The following SGF29 variants were observed in gnomAD, a reference collection of about 807,000 sequenced individuals.
SGF29 encodes the protein SAGA-associated factor 29.
SGF29 carries 15 observed loss-of-function variants against 38.1 expected under a neutral mutation model. The observed-to-expected ratio is 0.39, with a 90% confidence interval of 0.26 to 0.61. The LOEUF (loss-of-function observed/expected upper bound fraction) is 0.61, where lower values mean the gene tolerates loss of function less well. Among genes scored for constraint, SGF29 ranks in the 20% least tolerant of loss-of-function variants. The pLI is 0.49. For missense variants in SGF29, 184 were observed against 394.6 expected (o/e 0.47, Z 4.52); for synonymous variants, 151 against 160.8 (o/e 0.94, Z 0.46).
rs770234688 is a variant in SGF29 at position 28,590,816 on chromosome 16, T to G, written c.646T>G (p.Trp216Gly). 2.5e-6 allele frequency: 4 copies of G among 1,613,946 alleles called. No individual in the cohort carries two copies. The highest frequency in any genetic ancestry group is 3.4e-6 in the Non-Finnish European group (4 of 1,179,954). Reference sequence around the variant, plus strand: ...GCGCCGTGTCATCCCGCTGCCCCAGTGGAAGGCCAACCCGGAGACGGACCC... The same window carrying G: ...GCGCCGTGTCATCCCGCTGCCCCAGGGGAAGGCCAACCCGGAGACGGACCC... ...SRRRVIPLPQ[W>G]KANPETDPEA... is the part of the protein sequence containing the mutation. The change falls in exon 9 of 10, where the codon TGG (tryptophan) becomes GGG (glycine). Residue 216 changes from tryptophan (W) to glycine (G), a missense_variant. Around this residue, in one of 2 missense-constraint regions of SGF29, gnomAD observed 107 missense variants for 276.9 expected, o/e 0.39. Transcript: ENST00000317058. The surrounding 1 kb of genome is among the most constrained non-coding windows in gnomAD (Gnocchi z 8.2).
At chr16:28,565,575 G>A (rs187859401) in intron 1 of SGF29, among the ~76,000 whole-genome samples, 8 of 152,196 alleles carry the variant, frequency 5.3e-5, no homozygotes, top group Admixed American at 5.2e-4. Context: ...TTGGCTCACT[G>A]TAACCTCCTC....
intron 1 of SGF29, among the ~76,000 whole-genome samples, chr16:28,564,566 C>CGTATATAT (rs2046813083): frequency 9.4e-6 from 1 of 106,642 alleles, no homozygotes. Flanking sequence ...TATATATATA[C>CGTATATAT]GTATATATAT....
At chr16:28,566,913 A>T (rs972684619) in intron 1 of SGF29, among the ~76,000 whole-genome samples, 1 of 152,078 alleles carries the variant, frequency 6.6e-6, no homozygotes, top group Non-Finnish European at 1.5e-5. Flanking sequence ...CAGGTGATCT[A>T]TCTGCCTTGG....
At chr16:28,571,778 A>AT (rs1295992112) in intron 1 of SGF29, among the ~76,000 whole-genome samples, 2 of 152,020 alleles carry the variant, frequency 1.3e-5, no homozygotes, top group African/African-American at 4.8e-5. Flanking sequence ...AACTGTGGAG[A>AT]TGGGGGTCAG....
intron 1 of SGF29, among the ~76,000 whole-genome samples, chr16:28,557,013 T>C (rs992961036): frequency 4.6e-5 from 7 of 152,200 alleles, no homozygotes; most frequent in Non-Finnish European, 1.0e-4. Context: ...ATTAGGTTCC[T>C]CTTTCCCTTT....
chr16:28,580,458 C>T (rs888215482), intron 1 of SGF29, among the ~76,000 whole-genome samples: 6 of 152,162 alleles, frequency 3.9e-5, no homozygotes, highest in African/African-American at 7.2e-5. Flanking sequence ...GCATCTCTCC[C>T]GGCTGGATGG....
intron 1 of SGF29, among the ~76,000 whole-genome samples, chr16:28,576,307 A>T (rs1376329658): frequency 6.6e-6 from 1 of 152,112 alleles, no homozygotes; most frequent in Non-Finnish European, 1.5e-5. Context: ...TACTGGGCAT[A>T]ATACCTGGGT....
chr16:28,576,880 C>A (rs1025248336), intron 1 of SGF29, among the ~76,000 whole-genome samples: 2 of 152,100 alleles, frequency 1.3e-5, no homozygotes, highest in Admixed American at 1.3e-4. Context: ...ACAGGCCTGG[C>A]ATGGTGGCTC....
At chr16:28,561,605 A>G (rs945935602) in intron 1 of SGF29, among the ~76,000 whole-genome samples, 9 of 152,188 alleles carry the variant, frequency 5.9e-5, no homozygotes, top group African/African-American at 2.2e-4. Flanking sequence ...CTTCTAAGTC[A>G]GTGGGAACAC....
At chr16:28,576,939 G>GAGGTCAGGCGTATCACCCA (rs2046897901) in intron 1 of SGF29, among the ~76,000 whole-genome samples, 1 of 152,162 alleles carries the variant, frequency 6.6e-6, no homozygotes, top group Non-Finnish European at 1.5e-5. Context: ...TGGATCACCC[G>GAGGTCAGGCGTATCACCCA]AGGTCAGGCG....
chr16:28,568,051 G>A (rs527948081), intron 1 of SGF29, among the ~76,000 whole-genome samples: 2 of 152,046 alleles, frequency 1.3e-5, no homozygotes, highest in South Asian at 4.2e-4. Context: ...GTTGACTCAC[G>A]CCTGTAACCC....
At chr16:28,576,448 C>A (rs895591529) in intron 1 of SGF29, among the ~76,000 whole-genome samples, 1 of 152,142 alleles carries the variant, frequency 6.6e-6, no homozygotes. Flanking sequence ...CACCTGTAAT[C>A]CCAGCACTTT....
At chr16:28,589,823 C>T (rs2046976875) in intron 5 of SGF29, among the ~76,000 whole-genome samples, 1 of 152,142 alleles carries the variant, frequency 6.6e-6, no homozygotes, top group Non-Finnish European at 1.5e-5. Context: ...GATCAGCAAA[C>T]ACAGCCTGAA....
At chr16:28,591,531 G>C (rs1314178110) in intron 9 of SGF29, 59 bp from the exon 10 acceptor site, 2 of 1,181,336 alleles carry the variant, frequency 1.7e-6, no homozygotes, top group Non-Finnish European at 2.5e-6. Context: ...TGGGGGAAGG[G>C]GGTGCCTGTC....
At chr16:28,554,837 G>T (rs3859172) in intron 1 of SGF29, among the ~76,000 whole-genome samples, 59,573 of 151,992 alleles carry the variant, frequency 0.39, 12,148 homozygotes, top group Admixed American at 0.43. Context: ...GTGGCCAAAT[G>T]CATTGTTAAG....
At chr16:28,560,383 G>A (rs1475590271) in intron 1 of SGF29, among the ~76,000 whole-genome samples, 1 of 150,744 alleles carries the variant, frequency 6.6e-6, no homozygotes, top group Non-Finnish European at 1.5e-5. Context: ...GAGGTCAGGA[G>A]TTCGAGACCA....
intron 2 of SGF29, among the ~76,000 whole-genome samples, chr16:28,581,621 T>C (rs11074909): frequency 1 from 151,999 of 152,002 alleles, 75,998 homozygotes; most frequent in Middle Eastern, 1. Flanking sequence ...CTGCAACCTC[T>C]GCCTCCTGGG....
chr16:28,585,594 A>G, intron 3 of SGF29, 54 bp from the exon 4 acceptor site: 1 of 1,467,520 alleles, frequency 6.8e-7, no homozygotes, highest in Non-Finnish European at 9.6e-7. Context: ...AAGCAGTGCC[A>G]TGCTACTGTG....
rs1737637246 is a variant in SGF29, at chr16:28,571,049, T to C, written c.-15-10006T>C. ...AATGCTGTGGTCTGAGTGTTTGTGT[T>C]CCCCTAAAATTCATATGTTGAAACT... is the stretch of plus-strand genomic sequence containing the variant. On this transcript the variant is annotated intron_variant, in intron 1 of 9. Coordinates refer to ENST00000317058, the MANE Select transcript of SGF29 (RefSeq NM_138414.3). Among the ~76,000 whole-genome samples the C allele has an allele frequency of 6.6e-5, 10 of 152,232 alleles. No individual in the cohort carries two copies. The South Asian group carries it at 2.1e-3, about 32-fold the overall frequency.
Sources: gnomAD v4.1 joint callset for allele counts (sites outside exome capture counted in the v4.1 genomes callset) on GRCh38, gnomAD v4.1.1 for gene constraint, gnomAD v4.1.1 regional missense constraint, Gnocchi (gnomAD v3.1) non-coding constraint, MANE v1.5 for transcripts, NCBI Gene and HGNC (gene_info 2026-07-23, HGNC 2026-07-21) for gene names.